KYNU: variants seen among roughly 807,000 people sequenced by gnomAD.
KYNU encodes the protein kynureninase.
In KYNU, 54 loss-of-function variants were observed where a neutral mutation model predicts 59.2. The ratio of observed to expected loss-of-function variants is 0.91; its 90% CI spans 0.73 to 1.14. The LOEUF is 1.14. Among genes scored for constraint, KYNU ranks in the 50% most tolerant of loss-of-function variants. The pLI, the probability that KYNU is intolerant of heterozygous loss-of-function variation, is 0.00. For synonymous variants in KYNU, 177 were observed against 192.0 expected (o/e 0.92, Z 0.65); for missense variants, 567 against 554.4 (o/e 1.02, Z -0.23).
rs1342003942 is a variant in KYNU, at chr2:143,022,612, T to C, written c.903-7015T>C. On this transcript the variant is annotated intron_variant, in intron 10 of 13. Transcript: ENST00000264170. ...CATTGGAATTATCTACTAAAAAGTA[T>C]TGATAGAATTTCCCCATGAGATTAC... 2.0e-5 allele frequency among the ~76,000 whole-genome samples: 3 copies of C among 152,180 alleles called. No homozygotes were observed. The East Asian group carries it at 5.8e-4, about 29-fold the overall frequency.
intron 2 of KYNU, among the ~76,000 whole-genome samples, chr2:142,911,904 A>C (rs1405073558): frequency 6.6e-6 from 1 of 152,140 alleles, no homozygotes; most frequent in East Asian, 1.9e-4. Flanking sequence ...ACCTACTTGA[A>C]TGTGGTGAAA....
chr2:142,933,272 C>G (rs1015618454), intron 4 of KYNU, among the ~76,000 whole-genome samples: 1 of 152,112 alleles, frequency 6.6e-6, no homozygotes, highest in African/African-American at 2.4e-5. Context: ...TAGTGTAACT[C>G]TATGCTGTTG....
At chr2:142,881,773 T>C (rs565416655) in intron 1 of KYNU, among the ~76,000 whole-genome samples, 2 of 152,272 alleles carry the variant, frequency 1.3e-5, no homozygotes, top group Admixed American at 6.5e-5. Flanking sequence ...TAAACAGTCA[T>C]GCTCTGTTGC....
Position 143,044,347 on chromosome 2 carries a change from C to G in KYNU, c.*2175C>G, listed in dbSNP as rs1558990978. The G allele has an allele frequency of 6.6e-6, 1 of 151,948 alleles. No individual in the cohort carries two copies. The highest frequency in any genetic ancestry group is 1.5e-5 in the Non-Finnish European group (1 of 67,962). 9.4% of individuals were successfully genotyped at this position (151,948 alleles called of 1,614,324 possible). ...ATGATTTATAATCCTTAGGGTATACCCAGTAATGGGATTGCTGGGTTAAAT... is the reference window on the plus strand; with the variant it reads ...ATGATTTATAATCCTTAGGGTATACGCAGTAATGGGATTGCTGGGTTAAAT... On this transcript the variant is annotated 3_prime_UTR_variant, in exon 14 of 14. Coordinates refer to ENST00000264170, the MANE Select transcript of KYNU (RefSeq NM_003937.3).
intron 7 of KYNU, among the ~76,000 whole-genome samples, chr2:142,958,808 C>G (rs562459451): frequency 1.3e-5 from 2 of 152,220 alleles, no homozygotes; most frequent in South Asian, 2.1e-4. Flanking sequence ...TTCTTATGTG[C>G]TTAATACTGA....
chr2:142,883,669 G>A (rs1681387459), intron 1 of KYNU, among the ~76,000 whole-genome samples: 1 of 152,088 alleles, frequency 6.6e-6, no homozygotes, highest in African/African-American at 2.4e-5. Flanking sequence ...GTCTTCACAT[G>A]ATGTAGACAT....
chr2:142,986,377 A>G (rs1034397863), intron 10 of KYNU, among the ~76,000 whole-genome samples: 31 of 151,930 alleles, frequency 2.0e-4, no homozygotes. Flanking sequence ...ATCAAAGGCA[A>G]CCAGAGCTGT....
chr2:142,986,567 C>A (rs1685207545), intron 10 of KYNU, among the ~76,000 whole-genome samples: 1 of 151,830 alleles, frequency 6.6e-6, no homozygotes, highest in African/African-American at 2.4e-5. Flanking sequence ...TAATACTTTT[C>A]TGTTTTATAG....
In KYNU at chr2:143,052,891, T is replaced by C. The variant is rs1687288902; in HGVS notation, c.*10719T>C. 1 of 151,974 alleles carries C rather than the reference T, an allele frequency of 6.6e-6. No homozygotes were observed. Among genetic ancestry groups the C allele is most frequent in the South Asian group, 2.1e-4 (1 of 4,828 alleles). 9.4% of individuals were successfully genotyped at this position (151,974 alleles called of 1,614,324 possible). On this transcript the variant is annotated 3_prime_UTR_variant, in exon 14 of 14. Coordinates refer to ENST00000264170, the MANE Select transcript of KYNU (RefSeq NM_003937.3). ...GGCCACTGTCCTCCAGAACTCAGGATGGTAAATCCACCACGCACCTGGAAA... is the reference window on the plus strand; with the variant it reads ...GGCCACTGTCCTCCAGAACTCAGGACGGTAAATCCACCACGCACCTGGAAA...
At chr2:142,949,807 C>T (rs189343435) in intron 4 of KYNU, among the ~76,000 whole-genome samples, 30 of 152,346 alleles carry the variant, frequency 2.0e-4, no homozygotes, top group Admixed American at 1.8e-3. Context: ...ATTTCTGCAG[C>T]TACCTTGAAT....
intron 6 of KYNU, among the ~76,000 whole-genome samples, chr2:142,957,369 T>C (rs1377824971): frequency 6.6e-6 from 1 of 152,186 alleles, no homozygotes; most frequent in Admixed American, 6.5e-5. Context: ...TTGACTTAGA[T>C]TAGATGATTT....
At chr2:142,901,179 A>T (rs1293490110) in intron 2 of KYNU, among the ~76,000 whole-genome samples, 2 of 152,176 alleles carry the variant, frequency 1.3e-5, no homozygotes, top group Non-Finnish European at 2.9e-5. Context: ...TGGTCCAGTA[A>T]ATAATGATTT....
chr2:143,035,873 G>A (rs1434808934), intron 12 of KYNU, among the ~76,000 whole-genome samples: 1 of 152,040 alleles, frequency 6.6e-6, no homozygotes, highest in Middle Eastern at 3.2e-3. Flanking sequence ...CCTGGACTCA[G>A]TTGATCTTCC....
intron 2 of KYNU, among the ~76,000 whole-genome samples, chr2:142,893,461 A>G (rs79099467): frequency 0.11 from 17,187 of 152,242 alleles, 1,496 homozygotes; most frequent in African/African-American, 0.23. Flanking sequence ...TAACAGCTTC[A>G]CTGGAATGAC....
chr2:143,040,780 AAATT>A (rs1687022208), intron 13 of KYNU, 122 bp downstream of exon 13: 1 of 652,990 alleles, frequency 1.5e-6, no homozygotes, highest in East Asian at 2.7e-5. Context: ...AATTAAGGAT[AAATT>A]AAGTGCCAAC....
intron 1 of KYNU, among the ~76,000 whole-genome samples, chr2:142,882,670 T>A (rs1681343756): frequency 1.3e-5 from 2 of 152,240 alleles, no homozygotes; most frequent in Admixed American, 1.3e-4. Flanking sequence ...CATCCTTTTT[T>A]ATGGCTGCAT....
At chr2:142,974,710 G>T (rs1018007331) in intron 8 of KYNU, among the ~76,000 whole-genome samples, 1 of 152,064 alleles carries the variant, frequency 6.6e-6, no homozygotes, top group African/African-American at 2.4e-5. Flanking sequence ...AAATGTAAAG[G>T]CTCTCCTTCT....
rs1687283056 is a variant in KYNU at position 143,052,410 on chromosome 2, A to G, written c.*10238A>G. 1 of 152,198 alleles carries G rather than the reference A, an allele frequency of 6.6e-6. No individual in the cohort carries two copies. The highest frequency in any genetic ancestry group is 1.5e-5 in the Non-Finnish European group (1 of 68,032). The allele number at this position is 152,198 out of a possible 1,614,324, so 9.4% of individuals were successfully genotyped here. On this transcript the variant is annotated 3_prime_UTR_variant, in exon 14 of 14. Coordinates refer to ENST00000264170, the MANE Select transcript of KYNU (RefSeq NM_003937.3). ...GTTAATCACTAAGACAATGAGGAAA[A>G]TGTCTCCAGGGCATGTCAGAGACCT...
At chr2:142,883,699 A>C (rs940852899) in intron 1 of KYNU, among the ~76,000 whole-genome samples, 1 of 152,146 alleles carries the variant, frequency 6.6e-6, no homozygotes, top group African/African-American at 2.4e-5. Flanking sequence ...TCACTTTCTC[A>C]GAAGGATGAA....
Sources: allele counts gnomAD v4.1 joint callset (sites outside exome capture counted in the v4.1 genomes callset), GRCh38; gene constraint gnomAD v4.1.1; transcripts MANE v1.5; gene names NCBI Gene and HGNC (gene_info 2026-07-23, HGNC 2026-07-21).